The following BATF3 variants were observed in gnomAD, a reference collection of about 807,000 sequenced individuals.
BATF3 encodes basic leucine zipper transcriptional factor ATF-like 3.
In BATF3, 8 loss-of-function variants were observed where a neutral mutation model predicts 16.1. The observed-to-expected ratio is 0.50, with a 90% CI of 0.29 to 0.90. The LOEUF (loss-of-function observed/expected upper bound fraction) is 0.90. Among genes scored for constraint, BATF3 ranks in the 40% least tolerant of loss-of-function variants. BATF3 has a pLI of 0.08. For missense variants in BATF3, 139 were observed against 167.0 expected, an observed-to-expected ratio of 0.83 and a Z score of 0.92; for synonymous variants, 74 against 72.7, an observed-to-expected ratio of 1.02 and a Z score of -0.09.
At chr1:212,687,726 G>A (rs974071067) in intron 2 of BATF3, among the ~76,000 whole-genome samples, 2 of 151,932 alleles carry the variant, frequency 1.3e-5, no homozygotes, top group Non-Finnish European at 2.9e-5. Flanking sequence ...AGGAGTTTGA[G>A]ACCAGCCTGG....
chr1:212,688,709 T>C lies in BATF3; in HGVS notation c.196-1730A>G, dbSNP rs969523040. On this transcript the variant is annotated intron_variant, in intron 2 of 2. Transcript: ENST00000243440. Reference sequence around the variant, plus strand: ...AATAAGTTCTACAAAAAATAGCCAATGGCAGAGCTCTACGGCATGCCAATA... The same window carrying C: ...AATAAGTTCTACAAAAAATAGCCAACGGCAGAGCTCTACGGCATGCCAATA... Among the ~76,000 whole-genome samples, 7 of 152,322 alleles carry C rather than the reference T, an allele frequency of 4.6e-5. No homozygotes were observed. In the South Asian group the frequency reaches 1.2e-3, roughly 27 times the overall value.
rs1657207172 is a variant in BATF3, at chr1:212,699,284, G to A, written c.90+389C>T. ...CCCCCCACCCGGGGGAATCCTGGAGGGGCTACAGGCGCGGGTGGTGGGGTG... is the reference window on the plus strand; with the variant it reads ...CCCCCCACCCGGGGGAATCCTGGAGAGGCTACAGGCGCGGGTGGTGGGGTG... On this transcript the variant is annotated intron_variant, in intron 1 of 2. Coordinates refer to ENST00000243440, the MANE Select transcript of BATF3 (RefSeq NM_018664.3). This position sits in a 1 kb window ranked among gnomAD's most constrained non-coding sequence, Gnocchi z 4.4. Among the ~76,000 whole-genome samples, 1 of 152,174 alleles carries A rather than the reference G, an allele frequency of 6.6e-6. No individual in the cohort carries two copies. The highest frequency in any genetic ancestry group is 2.4e-5 in the African/African-American group (1 of 41,452).
intron 2 of BATF3, among the ~76,000 whole-genome samples, chr1:212,690,975 A>C (rs757394518): frequency 1.4e-4 from 21 of 152,208 alleles, no homozygotes; most frequent in African/African-American, 5.1e-4. Flanking sequence ...GTGCTACTAC[A>C]TCATGTGGCT....
At chr1:212,696,744 T>C (rs919045290) in intron 2 of BATF3, among the ~76,000 whole-genome samples, 3 of 152,174 alleles carry the variant, frequency 2.0e-5, no homozygotes, top group Non-Finnish European at 4.4e-5. Flanking sequence ...TTTTGTTTTA[T>C]AATGAAATAA....
intron 2 of BATF3, among the ~76,000 whole-genome samples, chr1:212,688,684 A>C (rs1458428254): frequency 6.6e-6 from 1 of 152,244 alleles, no homozygotes; most frequent in South Asian, 2.1e-4. Flanking sequence ...CCAAGTCATT[A>C]ATAAGTTCTA....
In BATF3 at chr1:212,689,823, TCA is replaced by T. The variant is rs144447732; in HGVS notation, c.196-2846_196-2845del. 0.048 allele frequency among the ~76,000 whole-genome samples: 7,054 copies of T among 147,244 alleles called. 523 individuals are homozygous for T. The highest frequency in any genetic ancestry group is 0.16 in the African/African-American group (6,363 of 39,908). On this transcript the variant is annotated intron_variant, in intron 2 of 2. Transcript: ENST00000243440. This position sits in a 1 kb window ranked among gnomAD's most constrained non-coding sequence, Gnocchi z 4.6. ...CATACACAGCCCGACACACACACTC[TCA>T]CACACACACACTCATACACAACCAC... is the stretch of plus-strand genomic sequence containing the variant.
chr1:212,687,299 T>C (rs1354976741), intron 2 of BATF3, among the ~76,000 whole-genome samples: 1 of 152,234 alleles, frequency 6.6e-6, no homozygotes, highest in Non-Finnish European at 1.5e-5. Flanking sequence ...CCCATGCCCC[T>C]GTGCAGTTAG....
chr1:212,686,826 G>A lies in BATF3; in HGVS notation c.349C>T (p.Arg117Trp), dbSNP rs925093445. Reference sequence around the variant, plus strand: ...AAGCAGCCGGCCACAGGGTCCGGCCGGGGAGGCACTGGCACAAAGTTCATA... The same window carrying A: ...AAGCAGCCGGCCACAGGGTCCGGCCAGGGAGGCACTGGCACAAAGTTCATA... ...CPMNFVPVPP[R>W]PDPVAGCLPR is the part of the protein sequence containing the mutation. The change falls in exon 3 of 3, where the codon CGG becomes TGG. Residue 117 changes from arginine to tryptophan, a missense_variant. Transcript: ENST00000243440. The A allele has an allele frequency of 1.3e-5, 21 of 1,613,488 alleles. No homozygotes were observed. Among genetic ancestry groups the A allele is most frequent in the Non-Finnish European group, 1.7e-5 (20 of 1,179,730 alleles).
At chr1:212,693,037 C>T (rs1657037880) in intron 2 of BATF3, among the ~76,000 whole-genome samples, 1 of 152,150 alleles carries the variant, frequency 6.6e-6, no homozygotes, top group African/African-American at 2.4e-5. Flanking sequence ...CCTGGGAGGT[C>T]CAGGGGTCCC....
At position 212,697,021 on chromosome 1, in the gene BATF3, G is replaced by A. The variant is rs1657149382; in HGVS notation, c.135C>T (p.Asn45=). The A allele has an allele frequency of 2.5e-6, 4 of 1,614,134 alleles. No homozygotes were observed. The East Asian group carries it at 6.7e-5, about 27-fold the overall frequency. ...DDRKVRRREK[N]RVAAQRSRKK... ...TCCGACTTCTCTGAGCAGCAACTCG[G>A]TTTTTTTCTCTCCTTCGGACCTTCC... The change falls in exon 2 of 3, where the codon AAC becomes AAT. Residue 45 remains asparagine (N), a synonymous_variant. Coordinates refer to ENST00000243440, the MANE Select transcript of BATF3 (RefSeq NM_018664.3).
In BATF3 at chr1:212,686,983, G is replaced by A; in HGVS notation, c.196-4C>T. The A allele has an allele frequency of 1.3e-6, 2 of 1,579,952 alleles. No individual in the cohort carries two copies. On this transcript the variant is annotated splice_region_variant and splice_polypyrimidine_tract_variant and intron_variant, in intron 2 of 2. Transcript: ENST00000243440. Reference sequence around the variant, plus strand: ...CTTGCTCCAGGCTCTCATATTCCTGGGGGAGACAGAATGGGCAAAATCATT... The same window carrying A: ...CTTGCTCCAGGCTCTCATATTCCTGAGGGAGACAGAATGGGCAAAATCATT...
chr1:212,699,820 G>T lies in BATF3; in HGVS notation c.-58C>A. On this transcript the variant is annotated 5_prime_UTR_variant, in exon 1 of 3. Coordinates refer to ENST00000243440, the MANE Select transcript of BATF3 (RefSeq NM_018664.3). The surrounding 1 kb of genome is among the most constrained non-coding windows in gnomAD (Gnocchi z 4.4). ...CCCGCCCGCGCGCCCTGCCCGTGGGGCTGCCTACGGGCGCTGTCCCGCCGC... is the reference window on the plus strand; with the variant it reads ...CCCGCCCGCGCGCCCTGCCCGTGGGTCTGCCTACGGGCGCTGTCCCGCCGC... The T allele has an allele frequency of 9.4e-7, 1 of 1,066,698 alleles. No individual in the cohort carries two copies. Among genetic ancestry groups the T allele is most frequent in the Non-Finnish European group, 1.2e-6 (1 of 865,890 alleles). 66.1% of individuals were successfully genotyped at this position (1,066,698 alleles called of 1,614,324 possible). A position where few individuals can be genotyped will look rare whatever the true frequency, so the allele number is the denominator to read the frequency against.
chr1:212,690,605 T>C (rs992095448), intron 2 of BATF3, among the ~76,000 whole-genome samples: 2 of 151,946 alleles, frequency 1.3e-5, no homozygotes, highest in Admixed American at 6.5e-5. Flanking sequence ...GGGGAAGAAA[T>C]GAAACCCACC....
intron 2 of BATF3, among the ~76,000 whole-genome samples, chr1:212,693,075 A>G (rs1358758178): frequency 6.6e-6 from 1 of 152,184 alleles, no homozygotes; most frequent in South Asian, 2.1e-4. Context: ...GGCCCGCAGT[A>G]GTGTGCAAGG....
chr1:212,691,645 AT>A (rs1402964873), intron 2 of BATF3, among the ~76,000 whole-genome samples: 1 of 152,266 alleles, frequency 6.6e-6, no homozygotes, highest in Non-Finnish European at 1.5e-5. Context: ...TGAAAAAACC[AT>A]GGCAACACAT....
At chr1:212,698,329 C>G (rs550101457) in intron 1 of BATF3, 2 of 152,340 alleles carry the variant, frequency 1.3e-5, no homozygotes, top group East Asian at 3.9e-4. Context: ...TTTAAATTCT[C>G]TAAATTTTCA....
intron 2 of BATF3, among the ~76,000 whole-genome samples, chr1:212,692,224 G>A (rs1380797801): frequency 2.0e-5 from 3 of 152,170 alleles, no homozygotes; most frequent in Admixed American, 1.3e-4. Context: ...GCTGCAGCTG[G>A]GGCAAGTTTC....
chr1:212,697,978 G>A (rs1482656423), intron 1 of BATF3: 2 of 152,196 alleles, frequency 1.3e-5, no homozygotes, highest in Admixed American at 6.5e-5. Context: ...TTCACGGAAT[G>A]CAAATATTAA....
At chr1:212,691,412 G>A (rs192826619) in intron 2 of BATF3, among the ~76,000 whole-genome samples, 3 of 152,314 alleles carry the variant, frequency 2.0e-5, no homozygotes, top group Admixed American at 2.0e-4. Context: ...CAACAATTCT[G>A]CTTTTAGTTA....
Sources: allele counts gnomAD v4.1 joint callset (sites outside exome capture counted in the v4.1 genomes callset), GRCh38; gene constraint gnomAD v4.1.1; non-coding constraint Gnocchi (gnomAD v3.1); transcripts MANE v1.5; gene names NCBI Gene and HGNC (gene_info 2026-07-23, HGNC 2026-07-21).